The following SH2B3 variants were observed in gnomAD, a reference collection of about 807,000 sequenced individuals.
The protein encoded by SH2B3 is SH2B adapter protein 3.
SH2B3 carries 43 observed loss-of-function variants against 51.9 expected under a neutral mutation model. The ratio of observed to expected loss-of-function variants is 0.83; its 90% confidence interval spans 0.65 to 1.07. The LOEUF is 1.07. SH2B3 is among the 50% of genes least tolerant of loss of function. The probability of loss-of-function intolerance (pLI) is 0.00; values close to 1 mark genes in which losing one functional copy is unlikely to be tolerated. For synonymous variants in SH2B3, 396 were observed against 376.0 expected, an observed-to-expected ratio of 1.05 and a Z score of -0.62; for missense variants, 952 against 834.3, an observed-to-expected ratio of 1.14 and a Z score of -1.74.
chr12:111,432,294 T>C (rs944543368), intron 2 of SH2B3, among the ~76,000 whole-genome samples: 15 of 152,012 alleles, frequency 9.9e-5, no homozygotes, highest in African/African-American at 3.6e-4. Context: ...TCAGGTGAGC[T>C]GCCTGCCTCA....
rs1412462574 is a variant in SH2B3, at chr12:111,438,132, G to A, written c.733-8621G>A. Among the ~76,000 whole-genome samples the A allele has an allele frequency of 6.6e-6, 1 of 152,152 alleles. No individual in the cohort carries two copies. The highest frequency in any genetic ancestry group is 2.4e-5 in the African/African-American group (1 of 41,416). ...TTCTCTGCTGGGACATGCAGTTTGG[G>A]TCAGGCAGGGCATCACAAATGCAGG... On this transcript the variant is annotated intron_variant, in intron 2 of 7. Coordinates refer to ENST00000341259, the MANE Select transcript of SH2B3 (RefSeq NM_005475.3). The surrounding 1 kb of genome is among the most constrained non-coding windows in gnomAD (Gnocchi z 4.2).
Position 111,418,240 on chromosome 12 carries a change from T to TGC in SH2B3, c.96_97dup (p.His33ArgfsTer4). 1 of 1,565,898 alleles carries TGC rather than the reference T, an allele frequency of 6.4e-7. No homozygotes were observed. The highest frequency in any genetic ancestry group is 8.6e-7 in the Non-Finnish European group (1 of 1,165,048). ...CGGGGCTGGAGCGAGTTCTGTGAGT[T>TGC]GCACGCCGTAGCGGCGGCCCGGGAG... On this transcript the variant is annotated frameshift_variant, in exon 2 of 8. Transcript: ENST00000341259. LOFTEE classifies it high-confidence loss of function. This position sits in a 1 kb window ranked among gnomAD's most constrained non-coding sequence, Gnocchi z 6.7.
At chr12:111,414,126 C>G (rs532409980) in intron 1 of SH2B3, among the ~76,000 whole-genome samples, 1 of 152,188 alleles carries the variant, frequency 6.6e-6, no homozygotes. Flanking sequence ...GAACAGGTGC[C>G]CTTATGCAGG....
rs188662783 is a variant in SH2B3 at position 111,447,284 on chromosome 12, C to T, written c.1022-46C>T. The T allele has an allele frequency of 9.5e-6, 15 of 1,587,058 alleles. No homozygotes were observed. The African/African-American group carries it at 1.6e-4, about 17-fold the overall frequency. ...GCTGGAACCCAGACTCAGCCCAGGA[C>T]ATAAGGTAGCCCCCTGCGACCACCA... On this transcript the variant is annotated intron_variant, in intron 5 of 7. Transcript: ENST00000341259.
intron 2 of SH2B3, among the ~76,000 whole-genome samples, chr12:111,433,337 A>T (rs4766462): frequency 0.38 from 57,623 of 151,964 alleles, 14,991 homozygotes; most frequent in East Asian, 0.89. Flanking sequence ...GGAAACAGAG[A>T]GAGACTCTGA....
At position 111,418,760 on chromosome 12, in the gene SH2B3, G is replaced by A; in HGVS notation, c.615G>A (p.Leu205=). Residue 205 remains leucine (L), a synonymous_variant, in exon 2 of 8, where the codon CTG becomes CTA. Coordinates refer to ENST00000341259, the MANE Select transcript of SH2B3 (RefSeq NM_005475.3). The surrounding 1 kb of genome is among the most constrained non-coding windows in gnomAD (Gnocchi z 6.7). ...AGGAGGCGGTGCTGCGCTACAGCCT[G>A]GCCGACGAGGCCTCCATGGACAGCG... ...ALKEAVLRYS[L]ADEASMDSGA... 1.1e-5 allele frequency: 17 copies of A among 1,478,808 alleles called. No individual in the cohort carries two copies. Among genetic ancestry groups the A allele is most frequent in the Non-Finnish European group, 1.4e-5 (16 of 1,122,990 alleles). 91.6% of individuals were successfully genotyped at this position (1,478,808 alleles called of 1,614,324 possible). A position where few individuals can be genotyped will look rare whatever the true frequency, so the allele number is the denominator to read the frequency against.
At chr12:111,431,099 T>C (rs985806008) in intron 2 of SH2B3, among the ~76,000 whole-genome samples, 1 of 152,136 alleles carries the variant, frequency 6.6e-6, no homozygotes, top group Non-Finnish European at 1.5e-5. Flanking sequence ...CATACCCCCT[T>C]TTTCCTATCT....
chr12:111,448,311 G>T lies in SH2B3; in HGVS notation c.*9G>T. On this transcript the variant is annotated 3_prime_UTR_variant, in exon 8 of 8. Coordinates refer to ENST00000341259, the MANE Select transcript of SH2B3 (RefSeq NM_005475.3). ...AGTACACACCTCTCTGACCAGTGAG[G>T]AATTCCAGGCCTCAACAGCTGCCCT... is the stretch of plus-strand genomic sequence containing the variant. 6.3e-7 allele frequency: 1 copy of T among 1,586,322 alleles called. No homozygotes were observed. Among genetic ancestry groups the T allele is most frequent in the Non-Finnish European group, 8.6e-7 (1 of 1,159,374 alleles).
At chr12:111,445,784 C>T (rs1445182041) in intron 2 of SH2B3, among the ~76,000 whole-genome samples, 1 of 152,266 alleles carries the variant, frequency 6.6e-6, no homozygotes, top group Non-Finnish European at 1.5e-5. Flanking sequence ...GCCACTGGGT[C>T]ATGATCCTTC....
At position 111,410,049 on chromosome 12, in the gene SH2B3, C is replaced by G. The variant is rs1233644542; in HGVS notation, c.-28+3772C>G. Among the ~76,000 whole-genome samples the G allele has an allele frequency of 6.6e-6, 1 of 152,214 alleles. No homozygotes were observed. Among genetic ancestry groups the G allele is most frequent in the Non-Finnish European group, 1.5e-5 (1 of 68,026 alleles). ...CCCCTGGGGGCCCACCCGGATGTGG[C>G]TACCCCCCGGCTGGCCAGTGGGGAG... On this transcript the variant is annotated intron_variant, in intron 1 of 7. Transcript: ENST00000341259. This position sits in a 1 kb window ranked among gnomAD's most constrained non-coding sequence, Gnocchi z 4.9.
Position 111,447,822 on chromosome 12 carries a change from C to T in SH2B3, c.1403C>T (p.Pro468Leu). 1.2e-6 allele frequency: 2 copies of T among 1,613,698 alleles called. No homozygotes were observed. Among genetic ancestry groups the T allele is most frequent in the Non-Finnish European group, 1.7e-6 (2 of 1,179,784 alleles). The change falls in exon 7 of 8, where the codon CCA becomes CTA. Residue 468 changes from proline to leucine, a missense_variant. By Grantham distance (98) the Pro-to-Leu change is moderately conservative (BLOSUM62 -3). Coordinates refer to ENST00000341259, the MANE Select transcript of SH2B3 (RefSeq NM_005475.3). ...LSSYVVVVSQ[P>L]PGSCNTVLFP... ...AGCTACGTGGTAGTCGTCTCCCAAC[C>T]ACCAGGTCTGACCCTACTGCCCTTT... is the stretch of plus-strand genomic sequence containing the variant.
At chr12:111,428,860 CTG>C (rs1332234564) in intron 2 of SH2B3, among the ~76,000 whole-genome samples, 1 of 152,074 alleles carries the variant, frequency 6.6e-6, no homozygotes, top group Non-Finnish European at 1.5e-5. Context: ...GAGGAGGAAA[CTG>C]AGACCCGGGG....
In SH2B3 at chr12:111,418,609, C is replaced by T. The variant is rs531156627; in HGVS notation, c.464C>T (p.Pro155Leu). 5.2e-4 allele frequency: 773 copies of T among 1,489,000 alleles called. 1 individual carries two copies. Among genetic ancestry groups the T allele is most frequent in the Admixed American group, 9.7e-4 (45 of 46,192 alleles). The allele number at this position is 1,489,000 out of a possible 1,614,324, so 92.2% of individuals were successfully genotyped here. A position where few individuals can be genotyped will look rare whatever the true frequency, so the allele number is the denominator to read the frequency against. ...CGCCGCCGCTCGGCCGGGGAGCTGC[C>T]AGCGGCCCACACCGCTGCCGCCCCC... ...IFRRRSAGEL[P>L]AAHTAAAPGT... is the part of the protein sequence containing the mutation. The change falls in exon 2 of 8, where the codon CCA becomes CTA. Residue 155 changes from proline (P) to leucine (L), a missense_variant. By Grantham distance (98) the Pro-to-Leu change is moderately conservative. Coordinates refer to ENST00000341259, the MANE Select transcript of SH2B3 (RefSeq NM_005475.3). This position sits in a 1 kb window ranked among gnomAD's most constrained non-coding sequence, Gnocchi z 6.7.
At chr12:111,424,573 C>T (rs756533877) in intron 2 of SH2B3, among the ~76,000 whole-genome samples, 1 of 152,090 alleles carries the variant, frequency 6.6e-6, no homozygotes, top group Admixed American at 6.5e-5. Flanking sequence ...AGGGCTTTGC[C>T]GTAGCCCTGG....
chr12:111,448,589 T>A lies in SH2B3; in HGVS notation c.*287T>A, dbSNP rs1874297959. 3 of 366,792 alleles carry A rather than the reference T, an allele frequency of 8.2e-6. No homozygotes were observed. Among genetic ancestry groups the A allele is most frequent in the Admixed American group, 4.4e-5 (1 of 22,914 alleles). The allele number at this position is 366,792 out of a possible 1,614,324, so 22.7% of individuals were successfully genotyped here. ...CCCTATGCCCAGTCCCCGTTACTCT[T>A]AGAGAAAGGAGTTGGGGTGAGGGCC... On this transcript the variant is annotated 3_prime_UTR_variant, in exon 8 of 8. Transcript: ENST00000341259.
At chr12:111,444,983 C>T in intron 2 of SH2B3, 1 of 618,000 alleles carries the variant, frequency 1.6e-6, no homozygotes, top group Non-Finnish European at 2.0e-6. Flanking sequence ...TGTGCTCAGC[C>T]AGCAGGCAGG....
At chr12:111,430,334 G>A (rs900257642) in intron 2 of SH2B3, among the ~76,000 whole-genome samples, 7 of 152,174 alleles carry the variant, frequency 4.6e-5, no homozygotes, top group Admixed American at 6.5e-5. Context: ...CTGAAACCAC[G>A]GGGGCAGATG....
At chr12:111,441,350 C>T (rs148474283) in intron 2 of SH2B3, among the ~76,000 whole-genome samples, 52 of 148,476 alleles carry the variant, frequency 3.5e-4, no homozygotes, top group Middle Eastern at 3.4e-3. Context: ...CAGAGCAAGA[C>T]CCTATCTCTT....
In SH2B3 at chr12:111,415,053, A is replaced by G. The variant is rs368025626; in HGVS notation, c.-27-3066A>G. Among the ~76,000 whole-genome samples, 59 of 152,318 alleles carry G rather than the reference A, an allele frequency of 3.9e-4. 1 individual carries two copies. The East Asian group carries it at 0.01, about 26-fold the overall frequency. On this transcript the variant is annotated intron_variant, in intron 1 of 7. Coordinates refer to ENST00000341259, the MANE Select transcript of SH2B3 (RefSeq NM_005475.3). Reference sequence around the variant, plus strand: ...GGGCCTAGCCTGGTGTCTGGCACACAGTAGGCCCTCAGTAACACCTGAAGA... The same window carrying G: ...GGGCCTAGCCTGGTGTCTGGCACACGGTAGGCCCTCAGTAACACCTGAAGA...
Sources: gnomAD v4.1 joint callset for allele counts (sites outside exome capture counted in the v4.1 genomes callset) on GRCh38, gnomAD v4.1.1 for gene constraint, Gnocchi (gnomAD v3.1) non-coding constraint, MANE v1.5 for transcripts, NCBI Gene and HGNC (gene_info 2026-07-23, HGNC 2026-07-21) for gene names.